SNTG1: variants seen among roughly 807,000 people sequenced by gnomAD.
SNTG1 encodes the protein gamma-1-syntrophin.
A neutral mutation model predicts 74.7 loss-of-function variants in SNTG1; 39 were observed. The ratio of observed to expected loss-of-function variants is 0.52; its 90% CI spans 0.40 to 0.68. The LOEUF (loss-of-function observed/expected upper bound fraction) is 0.68. Among genes scored for constraint, SNTG1 ranks in the 30% least tolerant of loss-of-function variants. The pLI, the probability that SNTG1 is intolerant of heterozygous loss-of-function variation, is 0.00. For missense variants in SNTG1, 685 were observed against 609.5 expected, an observed-to-expected ratio of 1.12 and a Z score of -1.30; for synonymous variants, 254 against 217.1, an observed-to-expected ratio of 1.17 and a Z score of -1.49.
chr8:50,784,450 G>T (rs1286011778), intron 18 of SNTG1, among the ~76,000 whole-genome samples: 1 of 152,012 alleles, frequency 6.6e-6, no homozygotes, highest in Non-Finnish European at 1.5e-5. Context: ...ACTAAAAAGG[G>T]CATTTTATAA....
At chr8:50,690,343 G>T (rs962415181) in intron 15 of SNTG1, among the ~76,000 whole-genome samples, 10 of 152,042 alleles carry the variant, frequency 6.6e-5, no homozygotes, top group African/African-American at 9.7e-5. Context: ...TGATGTTAGG[G>T]TGTCAATTTT....
intron 4 of SNTG1, among the ~76,000 whole-genome samples, chr8:50,430,572 A>C (rs1174162959): frequency 6.6e-6 from 1 of 152,184 alleles, no homozygotes; most frequent in Non-Finnish European, 1.5e-5. Flanking sequence ...CCACATGCTG[A>C]AGAAGCCAAG....
chr8:50,166,750 GAC>G lies in SNTG1; in HGVS notation c.-102-5810_-102-5809del, dbSNP rs1240089170. 1.6e-5 allele frequency among the ~76,000 whole-genome samples: 2 copies of G among 127,288 alleles called. 1 individual carries two copies. Among genetic ancestry groups the G allele is most frequent in the Non-Finnish European group, 3.2e-5 (2 of 62,242 alleles). The allele number at this position is 127,288 out of a possible 152,430, so 83.5% of individuals were successfully genotyped here. A position where few individuals can be genotyped will look rare whatever the true frequency, so the allele number is the denominator to read the frequency against. ...GGATCTAGAACTAGAAATACCATTTGACCCAGCCATCCCATTACTGGGTATAT... is the reference window on the plus strand; with the variant it reads ...GGATCTAGAACTAGAAATACCATTTGCCAGCCATCCCATTACTGGGTATAT... On this transcript the variant is annotated intron_variant, in intron 1 of 18. Transcript: ENST00000642720.
intron 1 of SNTG1, chr8:49,915,093 T>G (rs1267253204): frequency 2.0e-5 from 3 of 152,186 alleles, no homozygotes; most frequent in African/African-American, 7.2e-5. Flanking sequence ...TCAGAATTTT[T>G]TAACTGCTGG....
At chr8:50,596,060 G>A (rs1045719225) in intron 13 of SNTG1, among the ~76,000 whole-genome samples, 4 of 151,862 alleles carry the variant, frequency 2.6e-5, no homozygotes, top group Non-Finnish European at 4.4e-5. Context: ...ACTGTTTTCC[G>A]AAGGGTTTTA....
At chr8:50,394,168 T>A in intron 2 of SNTG1, 44 bp from the exon 3 acceptor site, 1 of 1,492,530 alleles carries the variant, frequency 6.7e-7, no homozygotes, top group Non-Finnish European at 9.3e-7. Context: ...CTCTCTTACA[T>A]GCCATGCTGT....
At chr8:50,610,087 A>G (rs1008945785) in intron 13 of SNTG1, among the ~76,000 whole-genome samples, 2 of 152,130 alleles carry the variant, frequency 1.3e-5, no homozygotes, top group Non-Finnish European at 2.9e-5. Context: ...AACGTTACCA[A>G]TTCTGGATTT....
At chr8:50,054,628 G>T (rs183156742) in intron 1 of SNTG1, among the ~76,000 whole-genome samples, 6 of 152,112 alleles carry the variant, frequency 3.9e-5, no homozygotes, top group African/African-American at 1.4e-4. Flanking sequence ...TTAACCTGGT[G>T]ATCGAATAAC....
At chr8:49,935,608 G>GCC (rs1808012977) in intron 1 of SNTG1, among the ~76,000 whole-genome samples, 1 of 150,946 alleles carries the variant, frequency 6.6e-6, no homozygotes. Flanking sequence ...CATTTTCCCA[G>GCC]CCCTGGTTAA....
At chr8:50,692,115 C>T (rs1280670365) in intron 15 of SNTG1, among the ~76,000 whole-genome samples, 3 of 152,296 alleles carry the variant, frequency 2.0e-5, no homozygotes, top group Admixed American at 6.5e-5. Context: ...TCTTTAAGGA[C>T]TTCTCTGCAT....
intron 8 of SNTG1, among the ~76,000 whole-genome samples, chr8:50,466,294 G>A (rs904101278): frequency 4.6e-5 from 7 of 151,796 alleles, no homozygotes; most frequent in Non-Finnish European, 7.4e-5. Context: ...CAGCACATTT[G>A]TCAAAATCTT....
intron 4 of SNTG1, among the ~76,000 whole-genome samples, chr8:50,419,754 G>A (rs973943988): frequency 6.6e-6 from 1 of 152,040 alleles, no homozygotes; most frequent in African/African-American, 2.4e-5. Flanking sequence ...TATATAATAT[G>A]AATGTTAAAA....
intron 1 of SNTG1, among the ~76,000 whole-genome samples, chr8:50,040,166 G>GCGGT (rs1276207665): frequency 3.3e-5 from 5 of 152,168 alleles, no homozygotes; most frequent in African/African-American, 1.2e-4. Flanking sequence ...TGCTGCTCTG[G>GCGGT]CGGTCGCTGG....
At position 49,955,049 on chromosome 8, in the gene SNTG1, A is replaced by G. The variant is rs113457758; in HGVS notation, c.-103+42818A>G. Reference sequence around the variant, plus strand: ...AAAGATTATGCTTGGCACAATTTTAATATTAGGTATCTTTAGTGTTATGTT... The same window carrying G: ...AAAGATTATGCTTGGCACAATTTTAGTATTAGGTATCTTTAGTGTTATGTT... On this transcript the variant is annotated intron_variant, in intron 1 of 18. Coordinates refer to ENST00000642720, the MANE Select transcript of SNTG1 (RefSeq NM_018967.5). Among the ~76,000 whole-genome samples, 137 of 152,310 alleles carry G rather than the reference A, an allele frequency of 9.0e-4. 1 individual carries two copies. The highest frequency in any genetic ancestry group is 3.2e-3 in the African/African-American group (132 of 41,560).
chr8:50,496,703 C>T (rs2093907552), intron 8 of SNTG1, among the ~76,000 whole-genome samples: 1 of 152,008 alleles, frequency 6.6e-6, no homozygotes, highest in South Asian at 2.1e-4. Context: ...CTTTTCTATT[C>T]TTATTGATTG....
chr8:50,664,220 G>C (rs752327710), intron 15 of SNTG1, among the ~76,000 whole-genome samples: 1 of 152,136 alleles, frequency 6.6e-6, no homozygotes, highest in Admixed American at 6.6e-5. Context: ...GTTATAGCAC[G>C]GAGTACATTT....
intron 4 of SNTG1, among the ~76,000 whole-genome samples, chr8:50,433,213 A>G (rs1302811694): frequency 6.6e-6 from 1 of 152,216 alleles, no homozygotes; most frequent in Non-Finnish European, 1.5e-5. Flanking sequence ...TCCATATTCT[A>G]TGAACTTGCT....
intron 1 of SNTG1, among the ~76,000 whole-genome samples, chr8:50,101,827 C>A (rs1054081558): frequency 6.6e-6 from 1 of 151,714 alleles, no homozygotes; most frequent in Non-Finnish European, 1.5e-5. Flanking sequence ...TTTGTCCTTG[C>A]GATAGTTTAC....
chr8:49,974,697 T>C (rs1370589487), intron 1 of SNTG1, among the ~76,000 whole-genome samples: 1 of 152,114 alleles, frequency 6.6e-6, no homozygotes, highest in Non-Finnish European at 1.5e-5. Flanking sequence ...TTTTAAGTAC[T>C]TACAGCTATA....
Sources: gnomAD v4.1 joint callset for allele counts (sites outside exome capture counted in the v4.1 genomes callset) on GRCh38, gnomAD v4.1.1 for gene constraint, MANE v1.5 for transcripts, NCBI Gene and HGNC (gene_info 2026-07-23, HGNC 2026-07-21) for gene names.